The following CRIM1 variants were observed in gnomAD, a reference collection of about 807,000 sequenced individuals.
CRIM1 encodes cysteine rich transmembrane BMP regulator 1.
In CRIM1, 32 loss-of-function variants were observed where a neutral mutation model predicts 116.4. The ratio of observed to expected loss-of-function variants is 0.27; its 90% CI spans 0.21 to 0.37. The LOEUF (loss-of-function observed/expected upper bound fraction) is 0.37, where lower values mean the gene tolerates loss of function less well. CRIM1 is among the 10% of genes least tolerant of loss of function. The pLI, the probability that CRIM1 is intolerant of heterozygous loss-of-function variation, is 1.00. For missense variants in CRIM1, 1,331 were observed against 1,354.8 expected, an observed-to-expected ratio of 0.98 and a Z score of 0.28; for synonymous variants, 590 against 509.2, an observed-to-expected ratio of 1.16 and a Z score of -2.13.
chr2:36,541,741 G>T (rs551043912), intron 14 of CRIM1, among the ~76,000 whole-genome samples: 1 of 152,138 alleles, frequency 6.6e-6, no homozygotes, highest in Non-Finnish European at 1.5e-5. Context: ...CGTGATCTTC[G>T]TGGTAGGGCT....
chr2:36,362,990 G>T (rs1407591005), intron 1 of CRIM1, among the ~76,000 whole-genome samples: 1 of 152,024 alleles, frequency 6.6e-6, no homozygotes, highest in African/African-American at 2.4e-5. Flanking sequence ...CTGAGGTCAG[G>T]AGTTCAAGAC....
At chr2:36,478,954 A>C (rs1311786381) in intron 6 of CRIM1, among the ~76,000 whole-genome samples, 1 of 152,148 alleles carries the variant, frequency 6.6e-6, no homozygotes, top group African/African-American at 2.4e-5. Flanking sequence ...TCCAAGGCAC[A>C]GTGACCCATG....
In CRIM1 at chr2:36,424,433, C is replaced by T. The variant is rs115094400; in HGVS notation, c.506-16825C>T. On this transcript the variant is annotated intron_variant, in intron 2 of 16. Coordinates refer to ENST00000280527, the MANE Select transcript of CRIM1 (RefSeq NM_016441.3). Reference sequence around the variant, plus strand: ...GTAAATGTTGGGTGGTAGGTGGTAGCAGTCTGGCCAGATGGGTGAATGTTG... The same window carrying T: ...GTAAATGTTGGGTGGTAGGTGGTAGTAGTCTGGCCAGATGGGTGAATGTTG... Among the ~76,000 whole-genome samples, 608 of 152,216 alleles carry T rather than the reference C, an allele frequency of 4.0e-3. 2 individuals carry two copies. The highest frequency in any genetic ancestry group is 0.014 in the African/African-American group (594 of 41,536).
At chr2:36,471,400 G>A (rs1478096671) in intron 5 of CRIM1, among the ~76,000 whole-genome samples, 1 of 152,072 alleles carries the variant, frequency 6.6e-6, no homozygotes, top group Admixed American at 6.6e-5. Flanking sequence ...TCATTATTGT[G>A]TTATTTAAAG....
intron 8 of CRIM1, among the ~76,000 whole-genome samples, chr2:36,508,545 T>G (rs924160877): frequency 6.6e-6 from 1 of 152,226 alleles, no homozygotes; most frequent in Non-Finnish European, 1.5e-5. Context: ...AATTAGACTC[T>G]GCTTCCCATT....
At chr2:36,506,239 C>T (rs1376653487) in intron 8 of CRIM1, among the ~76,000 whole-genome samples, 4 of 150,996 alleles carry the variant, frequency 2.6e-5, no homozygotes, top group African/African-American at 4.9e-5. Flanking sequence ...CATGTAGATA[C>T]CCCAGTTCAC....
intron 6 of CRIM1, among the ~76,000 whole-genome samples, chr2:36,477,303 T>C (rs773940020): frequency 6.6e-6 from 1 of 152,134 alleles, no homozygotes; most frequent in South Asian, 2.1e-4. Flanking sequence ...GTCACCTCTT[T>C]CCACAGGCAA....
chr2:36,418,963 G>A (rs371408604), intron 2 of CRIM1, among the ~76,000 whole-genome samples: 1 of 152,120 alleles, frequency 6.6e-6, no homozygotes, highest in Non-Finnish European at 1.5e-5. Flanking sequence ...TATAGGTTCT[G>A]TCTCCTCTTC....
intron 1 of CRIM1, among the ~76,000 whole-genome samples, chr2:36,385,401 T>C (rs1353952862): frequency 1.3e-5 from 2 of 152,212 alleles, no homozygotes; most frequent in Non-Finnish European, 2.9e-5. Flanking sequence ...TTAAAAACTA[T>C]TATTTGCTTT....
chr2:36,532,762 T>G (rs1299149704), intron 13 of CRIM1, among the ~76,000 whole-genome samples: 1 of 152,178 alleles, frequency 6.6e-6, no homozygotes, highest in Non-Finnish European at 1.5e-5. Context: ...GACAACTGAT[T>G]GAATCTTGTG....
intron 5 of CRIM1, 123 bp downstream of exon 5, chr2:36,464,778 G>C: frequency 8.4e-7 from 1 of 1,186,874 alleles, no homozygotes; most frequent in Non-Finnish European, 1.2e-6. Flanking sequence ...CTTGCTGAAG[G>C]GCACTCAAAA....
intron 5 of CRIM1, among the ~76,000 whole-genome samples, chr2:36,472,316 A>G (rs1678592781): frequency 6.6e-6 from 1 of 152,214 alleles, no homozygotes; most frequent in Admixed American, 6.5e-5. Context: ...CTCAAAAACC[A>G]CAGGTAGCCT....
intron 2 of CRIM1, among the ~76,000 whole-genome samples, chr2:36,414,253 A>C (rs574417483): frequency 1.1e-4 from 17 of 152,336 alleles, no homozygotes; most frequent in South Asian, 1.0e-3. Flanking sequence ...TTATAGCCTT[A>C]AAATTAAATG....
chr2:36,502,262 A>G (rs976565565), intron 8 of CRIM1, among the ~76,000 whole-genome samples: 1 of 152,202 alleles, frequency 6.6e-6, no homozygotes, highest in Admixed American at 6.5e-5. Flanking sequence ...GGAAGAGTCA[A>G]AATATGTCCC....
intron 1 of CRIM1, among the ~76,000 whole-genome samples, chr2:36,377,044 C>G (rs149288564): frequency 6.6e-6 from 1 of 152,194 alleles, no homozygotes; most frequent in Admixed American, 6.5e-5. Context: ...ATCCCTTTCC[C>G]TTGCCTCCCC....
chr2:36,368,853 C>T lies in CRIM1; in HGVS notation c.331+12230C>T, dbSNP rs567042690. ...TTGCTCCAGAAAATTTTTTTTCACT[C>T]CAATCTGTGAAATTGTTAAAAGTTT... On this transcript the variant is annotated intron_variant, in intron 1 of 16. Transcript: ENST00000280527. 1.2e-4 allele frequency among the ~76,000 whole-genome samples: 19 copies of T among 152,252 alleles called. No individual in the cohort carries two copies. In the East Asian group the frequency reaches 3.7e-3, roughly 29 times the overall value.
chr2:36,494,866 C>T (rs1160570390), intron 7 of CRIM1, among the ~76,000 whole-genome samples: 1 of 152,124 alleles, frequency 6.6e-6, no homozygotes, highest in Non-Finnish European at 1.5e-5. Context: ...TTCTTTGATT[C>T]CTCAGCTGAT....
At chr2:36,397,849 T>C (rs1672137445) in intron 2 of CRIM1, among the ~76,000 whole-genome samples, 1 of 152,210 alleles carries the variant, frequency 6.6e-6, no homozygotes. Flanking sequence ...CATTTGCGAA[T>C]TGCAGAGGAT....
At chr2:36,546,030 A>G (rs551981553) in intron 15 of CRIM1, among the ~76,000 whole-genome samples, 155 of 152,250 alleles carry the variant, frequency 1.0e-3, no homozygotes, top group Non-Finnish European at 1.0e-3. Context: ...ACACAGAAGC[A>G]TATCATTTAA....
Sources: allele counts gnomAD v4.1 joint callset (sites outside exome capture counted in the v4.1 genomes callset), GRCh38; gene constraint gnomAD v4.1.1; transcripts MANE v1.5; gene names NCBI Gene and HGNC (gene_info 2026-07-23, HGNC 2026-07-21).